Variants in SYTL5 observed in about 807,000 individuals in gnomAD.
The protein encoded by SYTL5 is synaptotagmin like 5.
A neutral mutation model predicts 55.9 loss-of-function variants in SYTL5; 34 were observed. The ratio of observed to expected loss-of-function variants is 0.61; its 90% CI spans 0.46 to 0.81. SYTL5 has a LOEUF of 0.81. Ranked by LOEUF, SYTL5 falls within the 30% of genes least tolerant of loss-of-function variation. SYTL5 has a pLI of 0.00. For synonymous variants in SYTL5, 221 were observed against 188.7 expected, an observed-to-expected ratio of 1.17 and a Z score of -1.40; for missense variants, 637 against 546.7, an observed-to-expected ratio of 1.17 and a Z score of -1.65.
intron 13 of SYTL5, among the ~76,000 whole-genome samples, chrX:38,111,964 C>T (rs1937370859): frequency 9.2e-6 from 1 of 109,211 alleles, no homozygotes; most frequent in Admixed American, 1.0e-4. Flanking sequence ...CCTAGGCATC[C>T]TTTGTGCTTA....
the SYTL5 span, among the ~76,000 whole-genome samples, chrX:37,962,181 G>A: frequency 1.0e-4 from 11 of 109,991 alleles, no homozygotes; most frequent in East Asian, 1.1e-3. Context: ...CCATTAACTC[G>A]TCATTTACAT....
chrX:38,088,600 A>T (rs1029933978), intron 6 of SYTL5, among the ~76,000 whole-genome samples: 3 of 112,444 alleles, frequency 2.7e-5, no homozygotes, highest in African/African-American at 9.7e-5. Context: ...ATTTATTGTT[A>T]TTGGATTGAA....
At chrX:37,976,925 C>T in the SYTL5 span, among the ~76,000 whole-genome samples, 1 of 110,657 alleles carries the variant, frequency 9.0e-6, no homozygotes, top group Non-Finnish European at 1.9e-5. Flanking sequence ...GATTGCACCA[C>T]CGCACTCCAA....
At chrX:37,951,095 AAAGTT>A in the SYTL5 span, among the ~76,000 whole-genome samples, 2 of 110,324 alleles carry the variant, frequency 1.8e-5, no homozygotes, top group African/African-American at 3.3e-5. Context: ...TTTTTTTTTC[AAAGTT>A]TAGTTCACTA....
At chrX:37,990,772 T>A in the SYTL5 span, 2 of 1,132,135 alleles carry the variant, frequency 1.8e-6, no homozygotes, top group Non-Finnish European at 2.3e-6. Flanking sequence ...TAAGCACTAG[T>A]GTCCTCAGAG....
chrX:37,920,082 G>A, the SYTL5 span, among the ~76,000 whole-genome samples: 10 of 111,357 alleles, frequency 9.0e-5, no homozygotes, highest in African/African-American at 2.6e-4. Context: ...AGGATCAAAA[G>A]ATATTCTGAT....
intron 1 of SYTL5, among the ~76,000 whole-genome samples, chrX:38,025,504 A>C (rs765750459): frequency 2.7e-5 from 3 of 112,119 alleles, no homozygotes; most frequent in African/African-American, 9.7e-5. Flanking sequence ...AAAGTTATCT[A>C]TGCTGAAAGG....
intron 1 of SYTL5, among the ~76,000 whole-genome samples, chrX:38,024,662 G>C (rs989665575): frequency 4.2e-4 from 47 of 111,148 alleles, no homozygotes; most frequent in African/African-American, 1.4e-3. Context: ...CTGTGCCTCA[G>C]TTTTCTCATC....
intron 13 of SYTL5, among the ~76,000 whole-genome samples, chrX:38,112,250 C>T (rs1325969066): frequency 9.0e-6 from 1 of 111,541 alleles, no homozygotes; most frequent in African/African-American, 3.3e-5. Context: ...AGCAGAGAGC[C>T]AGAAGTCCTG....
At chrX:37,968,393 C>T in the SYTL5 span, among the ~76,000 whole-genome samples, 1 of 111,296 alleles carries the variant, frequency 9.0e-6, no homozygotes, top group African/African-American at 3.3e-5. Context: ...CTTTTTACCC[C>T]CAGACCATTT....
At chrX:38,039,369 G>T (rs1935211113) in intron 2 of SYTL5, among the ~76,000 whole-genome samples, 1 of 112,167 alleles carries the variant, frequency 8.9e-6, no homozygotes, top group Admixed American at 9.4e-5. Context: ...TATTGCAAAT[G>T]GATAAAAATA....
chrX:38,062,102 G>A (rs59745228), intron 3 of SYTL5, among the ~76,000 whole-genome samples: 5,441 of 110,284 alleles, frequency 0.049, 116 homozygotes, highest in Middle Eastern at 0.088. Context: ...CAAGTGGCTG[G>A]GACTACAGGC....
At chrX:37,950,611 C>T in the SYTL5 span, among the ~76,000 whole-genome samples, 12 of 111,170 alleles carry the variant, frequency 1.1e-4, 1 homozygote, top group South Asian at 4.2e-3. Context: ...GAAACTCAAA[C>T]CAGCGTATTG....
chrX:37,889,591 GGGAT>G, the SYTL5 span, among the ~76,000 whole-genome samples: 1 of 111,119 alleles, frequency 9.0e-6, no homozygotes, highest in East Asian at 2.8e-4. Flanking sequence ...TTGAGTGGGG[GGGAT>G]AATCATACAA....
chrX:37,960,810 A>ATTTATTTATTTT, the SYTL5 span, among the ~76,000 whole-genome samples: 280 of 88,578 alleles, frequency 3.2e-3, 2 homozygotes, highest in African/African-American at 3.4e-3. Flanking sequence ...TTATTTATTT[A>ATTTATTTATTTT]TTTGAGATGG....
chrX:38,019,028 CT>C (rs2147129324), intron 1 of SYTL5, among the ~76,000 whole-genome samples: 1 of 112,222 alleles, frequency 8.9e-6, no homozygotes, highest in Admixed American at 9.5e-5. Context: ...TGTTCCTTGG[CT>C]TTAAAGCTTC....
At chrX:38,047,100 C>T (rs1199643978) in intron 2 of SYTL5, among the ~76,000 whole-genome samples, 1 of 112,069 alleles carries the variant, frequency 8.9e-6, no homozygotes, top group Non-Finnish European at 1.9e-5. Flanking sequence ...TTCCTAGGCA[C>T]ACAGTGTAAG....
chrX:38,037,080 T>G (rs1282240330), intron 2 of SYTL5, among the ~76,000 whole-genome samples: 1 of 111,497 alleles, frequency 9.0e-6, no homozygotes, highest in African/African-American at 3.3e-5. Flanking sequence ...CAAAATTACC[T>G]TCGGGTGACT....
Position 38,128,436 on chromosome X carries a change from A to AT in SYTL5, c.*1712dup, listed in dbSNP as rs1025694065. Reference sequence around the variant, plus strand: ...GAGTCATATTCTAGCCTCTGAGCTCATTTTTTCATGCGAGTTCATATAAAA... The same window carrying AT: ...GAGTCATATTCTAGCCTCTGAGCTCATTTTTTTCATGCGAGTTCATATAAAA... On this transcript the variant is annotated 3_prime_UTR_variant, in exon 17 of 17. Coordinates refer to ENST00000297875, the MANE Select transcript of SYTL5 (RefSeq NM_138780.3). 6 of 111,513 alleles carry AT rather than the reference A, an allele frequency of 5.4e-5. No individual in the cohort carries two copies. The highest frequency in any genetic ancestry group is 1.6e-4 in the African/African-American group (5 of 30,725). The allele number at this position is 111,513 out of a possible 1,213,427, so 9.2% of individuals were successfully genotyped here.
Sources: gnomAD v4.1 joint callset for allele counts (sites outside exome capture counted in the v4.1 genomes callset) on GRCh38, gnomAD v4.1.1 for gene constraint, MANE v1.5 for transcripts, NCBI Gene and HGNC (gene_info 2026-07-23, HGNC 2026-07-21) for gene names.